Variants in DLST observed in about 807,000 individuals in gnomAD.
DLST encodes the protein dihydrolipoyllysine-residue succinyltransferase component of 2-oxoglutarate dehydrogenase complex, mitochondrial.
DLST carries 17 observed loss-of-function variants against 53.1 expected under a neutral mutation model. The observed-to-expected ratio is 0.32, with a 90% CI of 0.22 to 0.48. The LOEUF (loss-of-function observed/expected upper bound fraction) is 0.48. Among genes scored for constraint, DLST ranks in the 20% least tolerant of loss-of-function variants. The probability of loss-of-function intolerance (pLI) is 0.99; values close to 1 mark genes in which losing one functional copy is unlikely to be tolerated. For missense variants in DLST, 512 were observed against 583.9 expected, an observed-to-expected ratio of 0.88 and a Z score of 1.27; for synonymous variants, 206 against 204.8, an observed-to-expected ratio of 1.01 and a Z score of -0.05.
In DLST at chr14:74,882,039, C is replaced by A. The variant is rs1456957871; in HGVS notation, c.63+23C>A. ...AAGGTACGGTCTGGCCGAGCCGGGG[C>A]CCCGACGGGTGAGGAGTCTGTTGGC... On this transcript the variant is annotated intron_variant, in intron 1 of 14. Transcript: ENST00000334220. 3.3e-6 allele frequency: 5 copies of A among 1,532,934 alleles called. No individual in the cohort carries two copies. The African/African-American group carries it at 5.6e-5, about 17-fold the overall frequency. The allele number at this position is 1,532,934 out of a possible 1,614,324, so 95.0% of individuals were successfully genotyped here. A position where few individuals can be genotyped will look rare whatever the true frequency, so the allele number is the denominator to read the frequency against.
Position 74,889,280 on chromosome 14 carries a change from G to A in DLST, c.205G>A (p.Asp69Asn). The change falls in exon 5 of 15, where the codon GAC (aspartate) becomes AAC (asparagine). Residue 69 changes from aspartate to asparagine, a missense_variant. Around this residue, in one of 4 missense-constraint regions of DLST, gnomAD observed 129 missense variants for 90.9 expected, o/e 1.42. Transcript: ENST00000334220. The stretch of plus-strand genomic sequence containing the variant: ...CTTTTTTGCATTTTTCCTAGAGGAT[G>A]ACTTGGTTACAGTCAAAACCCCAGC... ...FFRTTAVCKDDLVTVKTPAFA... is the reference protein window; with the variant it reads ...FFRTTAVCKDNLVTVKTPAFA... The A allele has an allele frequency of 1.2e-6, 2 of 1,612,236 alleles. No individual in the cohort carries two copies. Among genetic ancestry groups the A allele is most frequent in the Admixed American group, 1.7e-5 (1 of 59,784 alleles).
At chr14:74,901,729 T>C (rs747706014) in intron 14 of DLST, among the ~76,000 whole-genome samples, 1 of 152,250 alleles carries the variant, frequency 6.6e-6, no homozygotes, top group Non-Finnish European at 1.5e-5. Context: ...CTCCTGTGTT[T>C]AGAATCCTTT....
chr14:74,888,756 A>G (rs1226338496), intron 3 of DLST, among the ~76,000 whole-genome samples: 5 of 152,182 alleles, frequency 3.3e-5, no homozygotes, highest in African/African-American at 1.2e-4. Context: ...TCGGTCTGCA[A>G]AGGACCAAGG....
At position 74,894,349 on chromosome 14, in the gene DLST, G is replaced by C. The variant is rs776356405; in HGVS notation, c.710G>C (p.Arg237Pro). ...MNRMRQRIAQ[R>P]LKEAQNTCAM... ...AGGATGCGGCAGCGCATTGCTCAGC[G>C]TCTGAAGGAGGCCCAGAATACATGT... The change falls in exon 10 of 15, where the codon CGT becomes CCT. Residue 237 changes from arginine (R) to proline (P), a missense_variant. Arg to Pro is a moderately radical substitution (Grantham distance 103). Coordinates refer to ENST00000334220, the MANE Select transcript of DLST (RefSeq NM_001933.5). 6.2e-7 allele frequency: 1 copy of C among 1,614,152 alleles called. No individual in the cohort carries two copies.
Position 74,902,397 on chromosome 14 carries a change from C to T in DLST, c.*67C>T, listed in dbSNP as rs981093861. On this transcript the variant is annotated 3_prime_UTR_variant, in exon 15 of 15. Transcript: ENST00000334220. ...AAAACCAGTCTTCTCCCTGTCCCCT[C>T]ATGGGTCCCGGGTTAGCCTGGTGAC... The T allele has an allele frequency of 2.5e-4, 373 of 1,521,660 alleles. 2 individuals carry two copies. Among genetic ancestry groups the T allele is most frequent in the South Asian group, 6.4e-4 (49 of 77,050 alleles). 94.3% of individuals were successfully genotyped at this position (1,521,660 alleles called of 1,614,324 possible).
intron 11 of DLST, among the ~76,000 whole-genome samples, chr14:74,899,595 T>C (rs1884176918): frequency 6.6e-6 from 1 of 152,214 alleles, no homozygotes; most frequent in African/African-American, 2.4e-5. Flanking sequence ...AGTCATTCTC[T>C]GCTAAAGGAG....
At chr14:74,900,834 C>G (rs147762190) in intron 13 of DLST, among the ~76,000 whole-genome samples, 3 of 152,168 alleles carry the variant, frequency 2.0e-5, no homozygotes, top group African/African-American at 7.2e-5. Flanking sequence ...AAGCGATTCT[C>G]CTGCCTCAGC....
chr14:74,883,036 T>G (rs1221498692), intron 2 of DLST, among the ~76,000 whole-genome samples: 3 of 152,226 alleles, frequency 2.0e-5, no homozygotes, highest in Non-Finnish European at 4.4e-5. Flanking sequence ...GGCTGACGCC[T>G]GTAATCCCAG....
intron 10 of DLST, among the ~76,000 whole-genome samples, chr14:74,894,615 G>A (rs1231886582): frequency 1.3e-5 from 2 of 151,974 alleles, no homozygotes; most frequent in African/African-American, 4.8e-5. Flanking sequence ...GCATGATCTC[G>A]GCTCACTGCA....
chr14:74,896,184 G>A (rs1251911996), intron 10 of DLST, among the ~76,000 whole-genome samples: 4 of 152,252 alleles, frequency 2.6e-5, no homozygotes, highest in Non-Finnish European at 5.9e-5. Flanking sequence ...GTCTTCAAGA[G>A]TGACTAGCAT....
intron 7 of DLST, chr14:74,892,173 C>T (rs55655213): frequency 0.066 from 10,085 of 152,398 alleles, 394 homozygotes; most frequent in Non-Finnish European, 0.098. Flanking sequence ...ACCTCCGCCT[C>T]CGGAGTTCAA....
At chr14:74,894,202 T>C in intron 9 of DLST, 110 bp from the exon 10 acceptor site, 1 of 1,287,708 alleles carries the variant, frequency 7.8e-7, no homozygotes, top group Non-Finnish European at 1.1e-6. Flanking sequence ...ACTTAGATAC[T>C]GTAGTCCTTG....
intron 3 of DLST, among the ~76,000 whole-genome samples, chr14:74,886,314 T>C (rs779965258): frequency 6.6e-6 from 1 of 152,186 alleles, no homozygotes; most frequent in African/African-American, 2.4e-5. Context: ...TTACTCTACA[T>C]CACAATGAGG....
intron 11 of DLST, among the ~76,000 whole-genome samples, chr14:74,898,800 G>A (rs927681142): frequency 2.2e-4 from 34 of 152,166 alleles, no homozygotes; most frequent in African/African-American, 7.7e-4. Flanking sequence ...GTGGAAGCAC[G>A]TGTTCTGGCT....
chr14:74,900,728 GC>G (rs369365850), intron 13 of DLST, among the ~76,000 whole-genome samples: 2 of 152,270 alleles, frequency 1.3e-5, no homozygotes, highest in African/African-American at 4.8e-5. Context: ...GACTTCCTTT[GC>G]TTTTTTGTTT....
In DLST at chr14:74,893,400, C is replaced by T; in HGVS notation, c.648C>T (p.Gly216=). Residue 216 remains glycine (G), a synonymous_variant, in exon 9 of 15, where the codon GGC becomes GGT. Transcript: ENST00000334220. ...CACCACTAGCTGAGCCAGGAGCTGG[C>T]AAAGGTCTGCGTTCAGAACATCGGG... is the stretch of plus-strand genomic sequence containing the variant. ...VAPPLAEPGA[G]KGLRSEHREK... is the part of the protein sequence containing the mutation. 6.2e-7 allele frequency: 1 copy of T among 1,614,192 alleles called. No homozygotes were observed. The highest frequency in any genetic ancestry group is 1.1e-5 in the South Asian group (1 of 91,086).
chr14:74,883,151 C>T (rs886484213), intron 2 of DLST, among the ~76,000 whole-genome samples: 1 of 152,070 alleles, frequency 6.6e-6, no homozygotes, highest in Non-Finnish European at 1.5e-5. Flanking sequence ...AAAAATTAGC[C>T]GGGCGTGGTG....
At position 74,901,051 on chromosome 14, in the gene DLST, G is replaced by T; in HGVS notation, c.1060-15G>T. The T allele has an allele frequency of 6.2e-7, 1 of 1,612,728 alleles. No individual in the cohort carries two copies. The highest frequency in any genetic ancestry group is 8.5e-7 in the Non-Finnish European group (1 of 1,179,322). On this transcript the variant is annotated splice_polypyrimidine_tract_variant and intron_variant, in intron 13 of 14. Transcript: ENST00000334220. ...TGGGTTGGCTTGATATTTCAATTAT[G>T]AAATCTGTTTTTAGGCCCGAAAGAA... is the stretch of plus-strand genomic sequence containing the variant.
Position 74,892,988 on chromosome 14 carries a change from T to C in DLST, c.595+2T>C. The C allele has an allele frequency of 6.2e-7, 1 of 1,609,570 alleles. No homozygotes were observed. Among genetic ancestry groups the C allele is most frequent in the Non-Finnish European group, 8.5e-7 (1 of 1,178,428 alleles). ...CACAGCCTCCTTCTGGCAAACCTGG[T>C]AGGCTTCCAACTCCCACATGTCATG... is the stretch of plus-strand genomic sequence containing the variant. On this transcript the variant is annotated splice_donor_variant, in intron 8 of 14. Coordinates refer to ENST00000334220, the MANE Select transcript of DLST (RefSeq NM_001933.5). LOFTEE classifies it high-confidence loss of function.
Sources: allele counts gnomAD v4.1 joint callset (sites outside exome capture counted in the v4.1 genomes callset), GRCh38; gene constraint gnomAD v4.1.1; regional missense constraint gnomAD v4.1.1; transcripts MANE v1.5; gene names NCBI Gene and HGNC (gene_info 2026-07-23, HGNC 2026-07-21).